RYR2: variants seen among roughly 807,000 people sequenced by gnomAD.
RYR2 encodes cardiac muscle ryanodine receptor-calcium release channel.
In RYR2, 227 loss-of-function variants were observed where a neutral mutation model predicts 601.1. That is an observed-to-expected ratio of 0.38 (90% CI 0.34 to 0.42). The LOEUF (loss-of-function observed/expected upper bound fraction) is 0.42, where lower values mean the gene tolerates loss of function less well. Ranked by LOEUF, RYR2 falls within the 10% of genes least tolerant of loss-of-function variation. RYR2 has a pLI of 1.00. For synonymous variants in RYR2, 2,223 were observed against 2,175.1 expected, an observed-to-expected ratio of 1.02 and a Z score of -0.61; for missense variants, 4,646 against 6,156.5, an observed-to-expected ratio of 0.75 and a Z score of 8.21.
chr1:237,553,060 G>A (rs1178473624), intron 27 of RYR2, among the ~76,000 whole-genome samples: 5 of 151,976 alleles, frequency 3.3e-5, no homozygotes, highest in Admixed American at 6.6e-5. Flanking sequence ...TCTTAATGAG[G>A]TCTTTCAAAG....
intron 1 of RYR2, among the ~76,000 whole-genome samples, chr1:237,079,647 GA>G (rs1665374980): frequency 1.1e-5 from 1 of 93,514 alleles, no homozygotes; most frequent in Non-Finnish European, 1.9e-5. Context: ...ACAAATGGAA[GA>G]ACATTCCATG....
intron 56 of RYR2, 51 bp from the exon 57 acceptor site, chr1:237,666,461 C>G (rs954934991): frequency 1.1e-5 from 17 of 1,490,060 alleles, no homozygotes; most frequent in African/African-American, 5.6e-5. Context: ...AGTTAAGTCT[C>G]TCTTCACAAG....
At position 237,387,857 on chromosome 1, in the gene RYR2, A is replaced by G. The variant is rs150514438; in HGVS notation, c.677-230A>G. ...GTTTGTATGTTTAACAGAGGATTTT[A>G]TGTGTCTGAGGTCATGCTTTTAGTG... On this transcript the variant is annotated intron_variant, in intron 9 of 104. Transcript: ENST00000366574. Among the ~76,000 whole-genome samples, 9 of 152,294 alleles carry G rather than the reference A, an allele frequency of 5.9e-5. No individual in the cohort carries two copies. The South Asian group carries it at 1.0e-3, about 18-fold the overall frequency.
intron 35 of RYR2, among the ~76,000 whole-genome samples, chr1:237,608,239 AG>A (rs1677373854): frequency 6.6e-6 from 1 of 152,242 alleles, no homozygotes; most frequent in African/African-American, 2.4e-5. Context: ...ATGTTGGAGA[AG>A]AACTGAAAGA....
At chr1:237,316,519 A>T (rs1193462578) in intron 2 of RYR2, among the ~76,000 whole-genome samples, 2 of 152,142 alleles carry the variant, frequency 1.3e-5, no homozygotes, top group Admixed American at 6.5e-5. Context: ...ACATACTGTG[A>T]TGTGTTTGCT....
At chr1:237,291,723 C>A (rs7538075) in intron 2 of RYR2, among the ~76,000 whole-genome samples, 38,888 of 152,042 alleles carry the variant, frequency 0.26, 5,755 homozygotes, top group South Asian at 0.36. Flanking sequence ...AGTCAAATCT[C>A]TGGAGACAGT....
chr1:237,295,538 AT>A (rs1328034812), intron 2 of RYR2, among the ~76,000 whole-genome samples: 1 of 152,206 alleles, frequency 6.6e-6, no homozygotes, highest in African/African-American at 2.4e-5. Flanking sequence ...GGCTATCTGC[AT>A]TTCTCTTAAT....
intron 1 of RYR2, among the ~76,000 whole-genome samples, chr1:237,103,776 C>T (rs774562129): frequency 6.6e-6 from 1 of 152,148 alleles, no homozygotes; most frequent in Non-Finnish European, 1.5e-5. Flanking sequence ...ACCATGTTGG[C>T]CAGGCTGGTC....
intron 3 of RYR2, among the ~76,000 whole-genome samples, chr1:237,352,560 C>T (rs982910260): frequency 2.0e-5 from 3 of 152,220 alleles, no homozygotes; most frequent in Admixed American, 2.0e-4. Context: ...CAATCAAAAT[C>T]CCAGCAGGTT....
At chr1:237,345,945 A>C (rs1020184704) in intron 3 of RYR2, among the ~76,000 whole-genome samples, 1 of 152,182 alleles carries the variant, frequency 6.6e-6, no homozygotes, top group Non-Finnish European at 1.5e-5. Flanking sequence ...CCTCCATGGA[A>C]GAGACTTACT....
At chr1:237,479,577 T>G (rs1470707971) in intron 17 of RYR2, among the ~76,000 whole-genome samples, 3 of 149,516 alleles carry the variant, frequency 2.0e-5, no homozygotes, top group Non-Finnish European at 4.5e-5. Flanking sequence ...TGGAAGAACT[T>G]GCTCCAGGGG....
At chr1:237,351,239 C>T (rs1054564530) in intron 3 of RYR2, among the ~76,000 whole-genome samples, 6 of 151,912 alleles carry the variant, frequency 3.9e-5, no homozygotes, top group East Asian at 1.9e-4. Flanking sequence ...GGAAGTTATT[C>T]GGCCCTAAAT....
chr1:237,645,365 T>G (rs1175048869), intron 48 of RYR2, among the ~76,000 whole-genome samples: 1 of 152,228 alleles, frequency 6.6e-6, no homozygotes, highest in African/African-American at 2.4e-5. Context: ...CTTCTCCTTG[T>G]GCATCTGTAG....
chr1:237,613,925 T>G (rs997844609), intron 36 of RYR2, 114 bp from the exon 37 acceptor site: 2 of 933,770 alleles, frequency 2.1e-6, no homozygotes, highest in African/African-American at 3.3e-5. Context: ...CTGCAGTGTC[T>G]ATTCCCATAA....
At chr1:237,661,172 A>G (rs1262111412) in intron 56 of RYR2, among the ~76,000 whole-genome samples, 1 of 152,104 alleles carries the variant, frequency 6.6e-6, no homozygotes, top group Non-Finnish European at 1.5e-5. Flanking sequence ...TTTCCTGGCT[A>G]GTATAGAAGA....
chr1:237,698,625 A>T (rs1172355141), intron 63 of RYR2, among the ~76,000 whole-genome samples: 2 of 152,174 alleles, frequency 1.3e-5, no homozygotes, highest in Non-Finnish European at 2.9e-5. Context: ...GCTGACTTTA[A>T]AAGTTTGTAA....
chr1:237,816,306 C>A (rs1661816314), intron 100 of RYR2, among the ~76,000 whole-genome samples: 1 of 152,160 alleles, frequency 6.6e-6, no homozygotes, highest in Admixed American at 6.5e-5. Flanking sequence ...GATGGTCTAA[C>A]TAAAGAGGAA....
At chr1:237,559,939 C>G (rs1572873802) in intron 27 of RYR2, among the ~76,000 whole-genome samples, 1 of 152,160 alleles carries the variant, frequency 6.6e-6, no homozygotes. Flanking sequence ...GATGGTAGGA[C>G]AGAGACTTCT....
At chr1:237,790,520 C>T (rs1167148094) in intron 92 of RYR2, among the ~76,000 whole-genome samples, 1 of 152,058 alleles carries the variant, frequency 6.6e-6, no homozygotes, top group Non-Finnish European at 1.5e-5. Flanking sequence ...GCACCAAGTC[C>T]TCCTGAAATC....
Sources: allele counts gnomAD v4.1 joint callset (sites outside exome capture counted in the v4.1 genomes callset), GRCh38; gene constraint gnomAD v4.1.1; transcripts MANE v1.5; gene names NCBI Gene and HGNC (gene_info 2026-07-23, HGNC 2026-07-21).